The following TXNDC15 variants were observed in gnomAD, a reference collection of about 807,000 sequenced individuals.
TXNDC15 encodes the protein thioredoxin domain containing 15, also known as thioredoxin domain-containing protein 15.
Under a neutral mutation model 35.0 loss-of-function variants are expected in TXNDC15, and 24 were observed. The ratio of observed to expected loss-of-function variants is 0.68; its 90% CI spans 0.50 to 0.96. TXNDC15 has a LOEUF of 0.96. Ranked by LOEUF, TXNDC15 falls within the 40% of genes least tolerant of loss-of-function variation. The pLI is 0.00. For synonymous variants in TXNDC15, 169 were observed against 174.0 expected (o/e 0.97, Z 0.23); for missense variants, 385 against 453.3 (o/e 0.85, Z 1.37).
chr5:134,879,939 G>A (rs1486924003), intron 1 of TXNDC15, among the ~76,000 whole-genome samples: 1 of 152,024 alleles, frequency 6.6e-6, no homozygotes, highest in African/African-American at 2.4e-5. Flanking sequence ...GGGATTACCG[G>A]TGCATGCCGC....
At chr5:134,879,692 G>C (rs957088052) in intron 1 of TXNDC15, among the ~76,000 whole-genome samples, 5 of 151,914 alleles carry the variant, frequency 3.3e-5, no homozygotes, top group African/African-American at 1.2e-4. Flanking sequence ...CTGGATTGTA[G>C]TCACAGAAGT....
intron 1 of TXNDC15, among the ~76,000 whole-genome samples, chr5:134,887,181 CTTGTTTGT>C (rs564021242): frequency 1.8e-4 from 28 of 152,114 alleles, no homozygotes; most frequent in African/African-American, 6.7e-4. Flanking sequence ...ATTTTGTTTG[CTTGTTTGT>C]TTGTTTGTTT....
intron 4 of TXNDC15, 141 bp downstream of exon 4, chr5:134,896,565 G>T: frequency 1.0e-6 from 1 of 969,796 alleles, no homozygotes; most frequent in Admixed American, 2.6e-5. Context: ...CTAATGAACT[G>T]TTATGATCCT....
chr5:134,880,621 TTAGTAGA>T (rs1255387666), intron 1 of TXNDC15, among the ~76,000 whole-genome samples: 1 of 151,996 alleles, frequency 6.6e-6, no homozygotes, highest in African/African-American at 2.4e-5. Flanking sequence ...TTTTGTATTT[TTAGTAGA>T]TACAGGGTTT....
At chr5:134,876,745 T>TC in intron 1 of TXNDC15, among the ~76,000 whole-genome samples, 1 of 151,218 alleles carries the variant, frequency 6.6e-6, no homozygotes, top group East Asian at 1.9e-4. Context: ...TTTTTTTTTT[T>TC]TTTTTCTGCA....
At chr5:134,887,181 CTTGT>C (rs564021242) in intron 1 of TXNDC15, among the ~76,000 whole-genome samples, 14 of 152,114 alleles carry the variant, frequency 9.2e-5, no homozygotes, top group East Asian at 3.9e-4. Flanking sequence ...ATTTTGTTTG[CTTGT>C]TTGTTTGTTT....
chr5:134,877,780 T>G (rs1198990526), intron 1 of TXNDC15, among the ~76,000 whole-genome samples: 1 of 151,532 alleles, frequency 6.6e-6, no homozygotes, highest in Non-Finnish European at 1.5e-5. Flanking sequence ...GCTAATTTTT[T>G]TTTTTTTTTT....
intron 2 of TXNDC15, among the ~76,000 whole-genome samples, chr5:134,891,965 C>A (rs2150189011): frequency 6.6e-6 from 1 of 152,166 alleles, no homozygotes; most frequent in African/African-American, 2.4e-5. Context: ...ATAAATAAGA[C>A]CGCAGCTACA....
chr5:134,879,323 C>G (rs1750096472), intron 1 of TXNDC15, among the ~76,000 whole-genome samples: 1 of 152,120 alleles, frequency 6.6e-6, no homozygotes, highest in Non-Finnish European at 1.5e-5. Flanking sequence ...AATTTGTGCC[C>G]TGATTTTTTT....
intron 1 of TXNDC15, among the ~76,000 whole-genome samples, chr5:134,882,903 AC>A (rs995123639): frequency 1.3e-5 from 2 of 152,148 alleles, no homozygotes; most frequent in African/African-American, 4.8e-5. Context: ...CTTCAAGTTG[AC>A]TATTTTCTTC....
At chr5:134,884,144 C>T (rs560992967) in intron 1 of TXNDC15, among the ~76,000 whole-genome samples, 68 of 137,736 alleles carry the variant, frequency 4.9e-4, no homozygotes, top group Middle Eastern at 4.2e-3. Flanking sequence ...TGCTTGAACC[C>T]GGGAGGTGGA....
chr5:134,894,358 A>ATTTTT (rs1193198045), intron 3 of TXNDC15, among the ~76,000 whole-genome samples: 2 of 131,948 alleles, frequency 1.5e-5, no homozygotes, highest in African/African-American at 2.8e-5. Flanking sequence ...CAGGCTGGTC[A>ATTTTT]TTTTTTTTTT....
At chr5:134,874,362 C>G (rs1023499190), upstream of TXNDC15, 47 of 1,413,168 alleles carry the variant, frequency 3.3e-5, no homozygotes, top group African/African-American at 5.4e-4. Context: ...CTCTCCTCCC[C>G]CAGCCTTCCT....
intron 1 of TXNDC15, 106 bp downstream of exon 1, chr5:134,874,636 T>C: frequency 1.1e-6 from 1 of 878,002 alleles, no homozygotes; most frequent in Non-Finnish European, 1.7e-6. Flanking sequence ...ACTCGCCCCT[T>C]CTTGGCGTCT....
At chr5:134,875,591 G>A (rs1158215276) in intron 1 of TXNDC15, among the ~76,000 whole-genome samples, 3 of 152,064 alleles carry the variant, frequency 2.0e-5, no homozygotes, top group Non-Finnish European at 4.4e-5. Flanking sequence ...TGAACTCCTG[G>A]GCTTAAGTGA....
rs781522965 is a variant in TXNDC15, at chr5:134,880,554, G to A, written c.103+6024G>A. On this transcript the variant is annotated intron_variant, in intron 1 of 4. Transcript: ENST00000358387. ...TGGGTTCAAGCGATTCTCTTGCCTC[G>A]GCCTCCCGAGCAGCTGGGATTACGG... Among the ~76,000 whole-genome samples, 4 of 151,124 alleles carry A rather than the reference G, an allele frequency of 2.6e-5. No homozygotes were observed. In the South Asian group the frequency reaches 8.4e-4, roughly 32 times the overall value.
chr5:134,879,682 C>T (rs534793580), intron 1 of TXNDC15, among the ~76,000 whole-genome samples: 1 of 152,226 alleles, frequency 6.6e-6, no homozygotes, highest in Non-Finnish European at 1.5e-5. Flanking sequence ...AGCCGCTTCT[C>T]TGGATTGTAG....
chr5:134,877,913 C>A (rs1217253358), intron 1 of TXNDC15, among the ~76,000 whole-genome samples: 6 of 152,010 alleles, frequency 3.9e-5, no homozygotes, highest in Admixed American at 3.9e-4. Flanking sequence ...GCTGGGATTA[C>A]AGGCACCCGT....
At chr5:134,890,842 T>C (rs2150188627) in intron 2 of TXNDC15, among the ~76,000 whole-genome samples, 1 of 152,380 alleles carries the variant, frequency 6.6e-6, no homozygotes, top group Non-Finnish European at 1.5e-5. Flanking sequence ...GCTGCTGCAT[T>C]ATCAACTAAG....
Sources: allele counts gnomAD v4.1 joint callset (sites outside exome capture counted in the v4.1 genomes callset), GRCh38; gene constraint gnomAD v4.1.1; transcripts MANE v1.5; gene names NCBI Gene and HGNC (gene_info 2026-07-23, HGNC 2026-07-21).